The following BMERB1 variants were observed in gnomAD, a reference collection of about 807,000 sequenced individuals.
BMERB1 encodes the protein bMERB domain containing 1.
Under a neutral mutation model 23.6 loss-of-function variants are expected in BMERB1, and 12 were observed. That is an observed-to-expected ratio of 0.51 (90% CI 0.33 to 0.82). The LOEUF is 0.82. Ranked by LOEUF, BMERB1 falls within the 40% of genes least tolerant of loss-of-function variation. The probability of loss-of-function intolerance (pLI) is 0.03; values close to 1 mark genes in which losing one functional copy is unlikely to be tolerated. For synonymous variants in BMERB1, 122 were observed against 96.6 expected (o/e 1.26, Z -1.54); for missense variants, 247 against 255.4 (o/e 0.97, Z 0.22).
At chr16:15,504,153 G>A (rs1023668489) in intron 1 of BMERB1, among the ~76,000 whole-genome samples, 1 of 152,142 alleles carries the variant, frequency 6.6e-6, no homozygotes, top group Admixed American at 6.5e-5. Flanking sequence ...CGTGAGAGCT[G>A]GACTCTGAAA....
At chr16:15,513,274 A>T (rs2051696195) in intron 1 of BMERB1, among the ~76,000 whole-genome samples, 1 of 152,022 alleles carries the variant, frequency 6.6e-6, no homozygotes, top group Admixed American at 6.6e-5. Flanking sequence ...TTTTTTCCTC[A>T]TGATTACAGT....
Position 15,444,123 on chromosome 16 carries a change from G to GTTTTTGTT in BMERB1, c.106+9369_106+9370insGTTTTTTT, listed in dbSNP as rs2050966540. Among the ~76,000 whole-genome samples the GTTTTTGTT allele has an allele frequency of 1.5e-3, 54 of 35,622 alleles. 2 individuals are homozygous for GTTTTTGTT. The highest frequency in any genetic ancestry group is 6.8e-3 in the African/African-American group (53 of 7,752). The allele number at this position is 35,622 out of a possible 152,430, so 23.4% of individuals were successfully genotyped here. A position where few individuals can be genotyped will look rare whatever the true frequency, so the allele number is the denominator to read the frequency against. On this transcript the variant is annotated intron_variant, in intron 1 of 5. Transcript: ENST00000300006. Reference sequence around the variant, plus strand: ...AGGCCAGGGTCCAGGCACCAGCTTTGTTTTTTTTTTTTTTTTTTTTTTTTT... The same window carrying GTTTTTGTT: ...AGGCCAGGGTCCAGGCACCAGCTTTGTTTTTGTTTTTTTTTTTTTTTTTTTTTTTTTTT...
At chr16:15,512,038 AGG>A (rs398028816) in intron 1 of BMERB1, among the ~76,000 whole-genome samples, 1 of 148,298 alleles carries the variant, frequency 6.7e-6, no homozygotes, top group Non-Finnish European at 1.5e-5. Context: ...AAAAAAAAAA[AGG>A]GGGAATTGTC....
intron 1 of BMERB1, among the ~76,000 whole-genome samples, chr16:15,471,330 TCTGGAGATTTCTC>T (rs1325759497): frequency 1.3e-5 from 2 of 152,306 alleles, no homozygotes; most frequent in African/African-American, 4.8e-5. Flanking sequence ...CCAGGCAATT[TCTGGAGATTTCTC>T]CTGGAGATTT....
chr16:15,501,135 C>G (rs774428613), intron 1 of BMERB1, among the ~76,000 whole-genome samples: 1 of 151,766 alleles, frequency 6.6e-6, no homozygotes, highest in Non-Finnish European at 1.5e-5. Flanking sequence ...TCGCCCATTT[C>G]TTTTTATCTT....
At chr16:15,442,834 C>T (rs1366680701) in intron 1 of BMERB1, among the ~76,000 whole-genome samples, 1 of 152,126 alleles carries the variant, frequency 6.6e-6, no homozygotes, top group African/African-American at 2.4e-5. Context: ...TGTTCCTATC[C>T]ACTGTCTGTT....
In BMERB1 at chr16:15,529,198, T is replaced by C. The variant is rs185259504; in HGVS notation, c.230+13770T>C. On this transcript the variant is annotated intron_variant, in intron 2 of 5. Transcript: ENST00000300006. The stretch of plus-strand genomic sequence containing the variant: ...CACCACCACGCCCGGCTAACTTTTT[T>C]GTATTTATTGGTAGAGACAGGGTTT... 4.7e-4 allele frequency among the ~76,000 whole-genome samples: 72 copies of C among 152,200 alleles called. No homozygotes were observed. In the East Asian group the frequency reaches 0.012, roughly 25 times the overall value.
chr16:15,546,125 A>G (rs2029903623), intron 2 of BMERB1, among the ~76,000 whole-genome samples: 1 of 152,056 alleles, frequency 6.6e-6, no homozygotes, highest in Non-Finnish European at 1.5e-5. Flanking sequence ...CCCTCTCTAT[A>G]AAAAATATAA....
intron 2 of BMERB1, among the ~76,000 whole-genome samples, chr16:15,528,924 C>T (rs1460710656): frequency 6.6e-6 from 1 of 152,176 alleles, no homozygotes; most frequent in Non-Finnish European, 1.5e-5. Context: ...AGTGAGAACT[C>T]ACTATCTATG....
At chr16:15,504,142 G>A (rs1441692372) in intron 1 of BMERB1, among the ~76,000 whole-genome samples, 2 of 152,166 alleles carry the variant, frequency 1.3e-5, no homozygotes, top group Non-Finnish European at 2.9e-5. Context: ...CATGGCTCAA[G>A]CGTGAGAGCT....
chr16:15,474,394 T>C (rs1481093250), intron 1 of BMERB1, among the ~76,000 whole-genome samples: 1 of 152,186 alleles, frequency 6.6e-6, no homozygotes, highest in African/African-American at 2.4e-5. Flanking sequence ...AGACAGGGTC[T>C]CACTCTGTTG....
intron 1 of BMERB1, among the ~76,000 whole-genome samples, chr16:15,464,514 C>T (rs153809): frequency 0.49 from 74,132 of 151,718 alleles, 19,829 homozygotes; most frequent in Middle Eastern, 0.65. Flanking sequence ...AGAGCAGTCT[C>T]GAGTGCTGCT....
chr16:15,438,247 C>G (rs1048385329), intron 1 of BMERB1, among the ~76,000 whole-genome samples: 1 of 151,292 alleles, frequency 6.6e-6, no homozygotes, highest in Non-Finnish European at 1.5e-5. Context: ...CCACCACGCT[C>G]AACTAATTTT....
intron 3 of BMERB1, among the ~76,000 whole-genome samples, chr16:15,573,122 A>G (rs968903353): frequency 1.3e-5 from 2 of 152,138 alleles, no homozygotes; most frequent in African/African-American, 4.8e-5. Flanking sequence ...GCACAGTAAG[A>G]CCAGCTGTCT....
intron 1 of BMERB1, among the ~76,000 whole-genome samples, chr16:15,448,297 T>C (rs1231404848): frequency 6.6e-6 from 1 of 152,130 alleles, no homozygotes; most frequent in Non-Finnish European, 1.5e-5. Flanking sequence ...AATTATCCCA[T>C]GATGAGGGCT....
chr16:15,453,892 G>A (rs976518399), intron 1 of BMERB1, among the ~76,000 whole-genome samples: 18 of 151,870 alleles, frequency 1.2e-4, no homozygotes, highest in Non-Finnish European at 2.4e-4. Context: ...ATAAAATAAA[G>A]CAAACCAACA....
chr16:15,568,082 G>A (rs1334183248), intron 3 of BMERB1, 26 bp downstream of exon 3: 1 of 1,610,476 alleles, frequency 6.2e-7, no homozygotes. Flanking sequence ...TTCACCTTGT[G>A]CTAAACAGGT....
intron 1 of BMERB1, among the ~76,000 whole-genome samples, chr16:15,501,287 CTTTTTT>C (rs71152437): frequency 3.1e-5 from 2 of 64,924 alleles, no homozygotes; most frequent in African/African-American, 1.2e-4. Flanking sequence ...GCTCTTTTTA[CTTTTTT>C]TTTTTTTTTT....
At chr16:15,452,111 C>A (rs1343213701) in intron 1 of BMERB1, among the ~76,000 whole-genome samples, 3 of 151,588 alleles carry the variant, frequency 2.0e-5, no homozygotes, top group Non-Finnish European at 4.4e-5. Context: ...GAGATCCCAT[C>A]TCTACAAAAC....
Sources: allele counts gnomAD v4.1 joint callset (sites outside exome capture counted in the v4.1 genomes callset), GRCh38; gene constraint gnomAD v4.1.1; transcripts MANE v1.5; gene names NCBI Gene and HGNC (gene_info 2026-07-23, HGNC 2026-07-21).